Variants in TRPM6 observed in about 807,000 individuals in gnomAD.
TRPM6 encodes the protein channel kinase 2.
TRPM6 carries 111 observed loss-of-function variants against 247.6 expected under a neutral mutation model. That is an observed-to-expected ratio of 0.45 (90% CI 0.38 to 0.52). The LOEUF (loss-of-function observed/expected upper bound fraction) is 0.52, where lower values mean the gene tolerates loss of function less well. Among genes scored for constraint, TRPM6 ranks in the 20% least tolerant of loss-of-function variants. The pLI is 0.00. For synonymous variants in TRPM6, 892 were observed against 853.8 expected (o/e 1.04, Z -0.78); for missense variants, 2,126 against 2,421.5 (o/e 0.88, Z 2.56).
At chr9:74,761,287 T>C (rs1396782691) in intron 27 of TRPM6, among the ~76,000 whole-genome samples, 3 of 152,210 alleles carry the variant, frequency 2.0e-5, no homozygotes, top group Non-Finnish European at 4.4e-5. Flanking sequence ...TTAAAACATA[T>C]GTCCACAAAA....
rs201215912 is a variant in TRPM6 at position 74,820,216 on chromosome 9, G to GT, written c.1134+87dup. The GT allele has an allele frequency of 1.7e-3, 2,387 of 1,424,720 alleles. 2 individuals are homozygous for GT. Among genetic ancestry groups the GT allele is most frequent in the African/African-American group, 9.6e-3 (673 of 69,940 alleles). 88.3% of individuals were successfully genotyped at this position (1,424,720 alleles called of 1,614,324 possible). A position where few individuals can be genotyped will look rare whatever the true frequency, so the allele number is the denominator to read the frequency against. ...TTGTTCCCCTTCCTGTGTCCACCAT[G>GT]TTTTTTTTTAATTGTGAAAATAAAT... On this transcript the variant is annotated intron_variant, in intron 9 of 38. Coordinates refer to ENST00000360774, the MANE Select transcript of TRPM6 (RefSeq NM_017662.5).
intron 7 of TRPM6, chr9:74,827,314 A>G (rs1157128828): frequency 2.4e-5 from 4 of 163,320 alleles, no homozygotes; most frequent in Admixed American, 1.2e-4. Flanking sequence ...CTCTCTCTCA[A>G]CTGTCACCCA....
In TRPM6 at chr9:74,828,128, C is replaced by T. The variant is rs1028910647; in HGVS notation, c.670-179G>A. On this transcript the variant is annotated intron_variant, in intron 6 of 38. Transcript: ENST00000360774. ...CAGCACTTTGGGAAGCCAAGGTGGGCGGATCACAAGGTCAGGAGATAGAGA... is the reference window on the plus strand; with the variant it reads ...CAGCACTTTGGGAAGCCAAGGTGGGTGGATCACAAGGTCAGGAGATAGAGA... Among the ~76,000 whole-genome samples the T allele has an allele frequency of 2.0e-5, 3 of 151,722 alleles. 1 individual carries two copies. The highest frequency in any genetic ancestry group is 4.2e-4 in the South Asian group (2 of 4,806).
At chr9:74,870,942 GAAAAGAAAAGA>G (rs925304968) in intron 1 of TRPM6, among the ~76,000 whole-genome samples, 44 of 151,392 alleles carry the variant, frequency 2.9e-4, no homozygotes, top group African/African-American at 6.8e-4. Context: ...CAAAAAAAAA[GAAAAGAAAAGA>G]AAAAGAAAAG....
chr9:74,750,757 C>A, intron 29 of TRPM6, 35 bp from the exon 30 acceptor site: 1 of 1,598,828 alleles, frequency 6.3e-7, no homozygotes, highest in South Asian at 1.1e-5. Flanking sequence ...CGTGTGTGCT[C>A]AACATAGTCC....
chr9:74,882,826 G>A (rs1831405310), intron 1 of TRPM6, among the ~76,000 whole-genome samples: 1 of 152,152 alleles, frequency 6.6e-6, no homozygotes, highest in Non-Finnish European at 1.5e-5. Context: ...CACTACAAAG[G>A]AGTCTGTGTG....
intron 19 of TRPM6, among the ~76,000 whole-genome samples, chr9:74,791,887 G>A (rs1294666549): frequency 2.6e-5 from 4 of 152,294 alleles, no homozygotes. Context: ...CTCCTGAGTA[G>A]CTGGGACTAC....
At chr9:74,844,442 C>A (rs116575413) in intron 3 of TRPM6, among the ~76,000 whole-genome samples, 2,128 of 152,316 alleles carry the variant, frequency 0.014, 54 homozygotes, top group African/African-American at 0.049. Flanking sequence ...CCTCTGTTAG[C>A]ATTTATTGCT....
intron 3 of TRPM6, among the ~76,000 whole-genome samples, chr9:74,843,207 G>A (rs1164128081): frequency 6.6e-6 from 1 of 152,052 alleles, no homozygotes; most frequent in African/African-American, 2.4e-5. Flanking sequence ...GTTTTTTAAT[G>A]AGATTCAGTC....
intron 36 of TRPM6, among the ~76,000 whole-genome samples, chr9:74,736,283 T>G (rs1429702748): frequency 2.0e-5 from 3 of 152,170 alleles, no homozygotes; most frequent in Non-Finnish European, 4.4e-5. Flanking sequence ...GAACCAGAAG[T>G]CAGACTCCGG....
intron 25 of TRPM6, among the ~76,000 whole-genome samples, chr9:74,768,528 C>A (rs1319373834): frequency 6.6e-6 from 1 of 152,242 alleles, no homozygotes; most frequent in Non-Finnish European, 1.5e-5. Flanking sequence ...TGCTTTCTCT[C>A]ACACCTCCTG....
intron 15 of TRPM6, among the ~76,000 whole-genome samples, chr9:74,802,445 C>A (rs552113330): frequency 1.3e-5 from 2 of 152,088 alleles, no homozygotes; most frequent in African/African-American, 4.8e-5. Context: ...TAGGATATAC[C>A]CAGAGTGCTT....
At chr9:74,744,737 C>T (rs968214690) in intron 31 of TRPM6, among the ~76,000 whole-genome samples, 1 of 152,192 alleles carries the variant, frequency 6.6e-6, no homozygotes, top group African/African-American at 2.4e-5. Flanking sequence ...TCCTAAATTA[C>T]AAGGCTCTAG....
rs1435826333 is a variant in TRPM6 at position 74,808,033 on chromosome 9, C to T, written c.1638+1G>A. 6.2e-7 allele frequency: 1 copy of T among 1,613,772 alleles called. No individual in the cohort carries two copies. Among genetic ancestry groups the T allele is most frequent in the Admixed American group, 1.7e-5 (1 of 60,012 alleles). On this transcript the variant is annotated splice_donor_variant, in intron 14 of 38. Coordinates refer to ENST00000360774, the MANE Select transcript of TRPM6 (RefSeq NM_017662.5). LOFTEE classifies it high-confidence loss of function. ...ACTTGGGCACTTTTCAATTACTCTA[C>T]CTTGTATTTTCTGTAGAGGTTGTTG... is the stretch of plus-strand genomic sequence containing the variant.
At position 74,789,037 on chromosome 9, in the gene TRPM6, A is replaced by T. The variant is rs535906642; in HGVS notation, c.2539-295T>A. Among the ~76,000 whole-genome samples the T allele has an allele frequency of 2.0e-5, 3 of 152,304 alleles. No individual in the cohort carries two copies. In the South Asian group the frequency reaches 6.2e-4, roughly 32 times the overall value. On this transcript the variant is annotated intron_variant, in intron 19 of 38. Coordinates refer to ENST00000360774, the MANE Select transcript of TRPM6 (RefSeq NM_017662.5). Reference sequence around the variant, plus strand: ...GCATTTCCAGGACCCTGCACATCCAACAGGGGCACTGGCAAGCTAACAGCA... The same window carrying T: ...GCATTTCCAGGACCCTGCACATCCATCAGGGGCACTGGCAAGCTAACAGCA...
At position 74,800,303 on chromosome 9, in the gene TRPM6, G is replaced by T; in HGVS notation, c.2189C>A (p.Thr730Lys). 1 of 1,614,134 alleles carries T rather than the reference G, an allele frequency of 6.2e-7. No homozygotes were observed. The highest frequency in any genetic ancestry group is 8.5e-7 in the Non-Finnish European group (1 of 1,180,036). The change falls in exon 17 of 39, where the codon ACA becomes AAA. Residue 730 changes from threonine to lysine, a missense_variant. This residue lies in a region of TRPM6 where 1,082 missense variants were observed against 1,307.9 expected (regional missense o/e 0.83). Coordinates refer to ENST00000360774, the MANE Select transcript of TRPM6 (RefSeq NM_017662.5). Reference sequence around the variant, plus strand: ...TTTCAGCCTCCCCATCCACATGTCTGTCAGTAGCATCTGGGTACAAGTATG... The same window carrying T: ...TTTCAGCCTCCCCATCCACATGTCTTTCAGTAGCATCTGGGTACAAGTATG... ...VSHTCTQMLL[T>K]DMWMGRLKMR...
At chr9:74,858,374 C>T (rs548224473) in intron 2 of TRPM6, among the ~76,000 whole-genome samples, 51 of 45,268 alleles carry the variant, frequency 1.1e-3, no homozygotes, top group African/African-American at 3.7e-3. Flanking sequence ...AGGACAAGAG[C>T]GAGACTTCGT....
intron 9 of TRPM6, among the ~76,000 whole-genome samples, chr9:74,818,058 C>T (rs142104741): frequency 6.6e-6 from 1 of 152,126 alleles, no homozygotes; most frequent in Admixed American, 6.5e-5. Flanking sequence ...AAAATCAGTC[C>T]TCAATTGTAC....
chr9:74,748,468 G>A (rs1312960793), intron 30 of TRPM6, among the ~76,000 whole-genome samples: 2 of 152,204 alleles, frequency 1.3e-5, no homozygotes, highest in South Asian at 2.1e-4. Context: ...ACAGCTCCAT[G>A]TGTGTTATTG....
Sources: gnomAD v4.1 joint callset for allele counts (sites outside exome capture counted in the v4.1 genomes callset) on GRCh38, gnomAD v4.1.1 for gene constraint, gnomAD v4.1.1 regional missense constraint, MANE v1.5 for transcripts, NCBI Gene and HGNC (gene_info 2026-07-23, HGNC 2026-07-21) for gene names.